UBE4B: variants seen among roughly 807,000 people sequenced by gnomAD.
UBE4B encodes ubiquitin conjugation factor E4 B.
Under a neutral mutation model 148.1 loss-of-function variants are expected in UBE4B, and 27 were observed. That is an observed-to-expected ratio of 0.18 (90% CI 0.13 to 0.25). UBE4B has a LOEUF of 0.25. UBE4B is among the 10% of genes least tolerant of loss of function. The pLI is 1.00. For missense variants in UBE4B, 1,170 were observed against 1,662.4 expected (o/e 0.70, Z 5.15); for synonymous variants, 596 against 619.3 (o/e 0.96, Z 0.56).
At chr1:10,092,222 CTT>C (rs138009294) in intron 2 of UBE4B, among the ~76,000 whole-genome samples, 28,918 of 151,736 alleles carry the variant, frequency 0.19, 3,737 homozygotes, top group African/African-American at 0.36. Flanking sequence ...AGACCCATCT[CTT>C]TTGTTTTGTT....
At chr1:10,090,401 G>A (rs1017799079) in intron 2 of UBE4B, among the ~76,000 whole-genome samples, 4 of 151,698 alleles carry the variant, frequency 2.6e-5, no homozygotes, top group East Asian at 3.9e-4. Context: ...AATTATAGGC[G>A]TGAGCCACCA....
intron 1 of UBE4B, among the ~76,000 whole-genome samples, chr1:10,061,483 C>CT (rs1644285414): frequency 6.6e-6 from 1 of 152,182 alleles, no homozygotes; most frequent in South Asian, 2.1e-4. Context: ...TCTGGAACTC[C>CT]TGGCCTCAGG....
In UBE4B at chr1:10,105,644, C is replaced by T. The variant is rs771871986; in HGVS notation, c.709C>T (p.Arg237Trp). The change falls in exon 6 of 28, where the codon CGG becomes TGG. Residue 237 changes from arginine to tryptophan, a missense_variant. Coordinates refer to ENST00000343090, the MANE Select transcript of UBE4B (RefSeq NM_001105562.3). ...ATSQPIAAAARSPDRNLLLNT... is the reference protein window; with the variant it reads ...ATSQPIAAAAWSPDRNLLLNT... ...ATCACAGCCAATTGCTGCAGCAGCA[C>T]GGTCACCAGACAGAAATCTCTTGCT... 19 of 1,614,082 alleles carry T rather than the reference C, an allele frequency of 1.2e-5. No individual in the cohort carries two copies. The Admixed American group carries it at 1.8e-4, about 16-fold the overall frequency.
chr1:10,060,076 C>G (rs1570800236), intron 1 of UBE4B, among the ~76,000 whole-genome samples: 4 of 151,588 alleles, frequency 2.6e-5, no homozygotes. Flanking sequence ...TCGTCAGGTC[C>G]CTGTGTGTGT....
intron 1 of UBE4B, among the ~76,000 whole-genome samples, chr1:10,042,113 T>G (rs1485529709): frequency 1.3e-5 from 2 of 152,318 alleles, no homozygotes; most frequent in African/African-American, 2.4e-5. Flanking sequence ...CAGTGGACTT[T>G]CATTCCCGTT....
chr1:10,144,863 C>A, intron 17 of UBE4B, 77 bp from the exon 18 acceptor site: 1 of 988,828 alleles, frequency 1.0e-6, no homozygotes. Flanking sequence ...GTGTGAGAGT[C>A]AGTGAAATGA....
At chr1:10,160,771 T>C (rs1040246900) in intron 22 of UBE4B, among the ~76,000 whole-genome samples, 1 of 151,934 alleles carries the variant, frequency 6.6e-6, no homozygotes, top group Non-Finnish European at 1.5e-5. Flanking sequence ...ACATAACAAG[T>C]CCCTGTCTCT....
At chr1:10,089,518 G>A (rs1402376083) in intron 2 of UBE4B, among the ~76,000 whole-genome samples, 5 of 142,942 alleles carry the variant, frequency 3.5e-5, no homozygotes, top group African/African-American at 1.1e-4. Flanking sequence ...AAAAAAAAAA[G>A]TTTTCAGGGG....
At chr1:10,084,710 T>C (rs1264433222) in intron 2 of UBE4B, among the ~76,000 whole-genome samples, 1 of 151,778 alleles carries the variant, frequency 6.6e-6, no homozygotes, top group East Asian at 1.9e-4. Context: ...TTTTCTTTTT[T>C]TTTTTGAGAT....
intron 12 of UBE4B, 82 bp downstream of exon 12, chr1:10,129,530 G>C: frequency 1.4e-6 from 2 of 1,403,474 alleles, no homozygotes. Context: ...AGATGGCCTG[G>C]AAAATGTCTC....
chr1:10,132,091 C>T (rs1220083956), intron 14 of UBE4B, among the ~76,000 whole-genome samples: 1 of 152,170 alleles, frequency 6.6e-6, no homozygotes, highest in Non-Finnish European at 1.5e-5. Flanking sequence ...GATTGCACCA[C>T]TGCACTCCAG....
intron 1 of UBE4B, among the ~76,000 whole-genome samples, 195 bp from the exon 2 acceptor site, chr1:10,071,833 A>C (rs1467602275): frequency 6.6e-6 from 1 of 152,146 alleles, no homozygotes; most frequent in East Asian, 1.9e-4. Context: ...ACCTGGCCAA[A>C]ATACAGTTGT....
chr1:10,040,573 C>A (rs1643718173), intron 1 of UBE4B, among the ~76,000 whole-genome samples: 1 of 151,230 alleles, frequency 6.6e-6, no homozygotes, highest in African/African-American at 2.4e-5. Flanking sequence ...ATGTAGACCC[C>A]CACTCTGGCC....
chr1:10,178,515 A>G (rs1571045627), intron 25 of UBE4B, 129 bp from the exon 26 acceptor site: 1 of 802,792 alleles, frequency 1.2e-6, no homozygotes, highest in South Asian at 2.1e-5. Flanking sequence ...ATATAAGTGT[A>G]TATATAATTT....
intron 1 of UBE4B, among the ~76,000 whole-genome samples, chr1:10,045,379 T>C (rs1221113632): frequency 6.6e-6 from 1 of 152,134 alleles, no homozygotes; most frequent in African/African-American, 2.4e-5. Flanking sequence ...CAACCTTAGG[T>C]CAGAGACACT....
Position 10,161,018 on chromosome 1 carries a change from G to A in UBE4B, c.3054-124G>A. On this transcript the variant is annotated intron_variant, in intron 22 of 27. Coordinates refer to ENST00000343090, the MANE Select transcript of UBE4B (RefSeq NM_001105562.3). This position sits in a 1 kb window ranked among gnomAD's most constrained non-coding sequence, Gnocchi z 4.1. ...ATTCCATAGTGCCTGACTTGTGCCA[G>A]GGTAGCCAGGCTTTTAGGGTGAGAT... 9.6e-7 allele frequency: 1 copy of A among 1,041,188 alleles called. No individual in the cohort carries two copies. The highest frequency in any genetic ancestry group is 1.5e-5 in the South Asian group (1 of 65,136). The allele number at this position is 1,041,188 out of a possible 1,614,324, so 64.5% of individuals were successfully genotyped here. A position where few individuals can be genotyped will look rare whatever the true frequency, so the allele number is the denominator to read the frequency against.
chr1:10,156,984 A>G (rs1310499995), intron 21 of UBE4B, among the ~76,000 whole-genome samples: 2 of 152,052 alleles, frequency 1.3e-5, no homozygotes, highest in Non-Finnish European at 2.9e-5. Context: ...CCTAGGCAAC[A>G]TAGTGAGACC....
intron 2 of UBE4B, among the ~76,000 whole-genome samples, chr1:10,091,990 CCT>C (rs1644856265): frequency 6.6e-6 from 1 of 151,968 alleles, no homozygotes; most frequent in African/African-American, 2.4e-5. Context: ...CTCAAGTGAT[CCT>C]CTCTCCTTGA....
intron 8 of UBE4B, among the ~76,000 whole-genome samples, chr1:10,118,534 C>T (rs1167026152): frequency 6.7e-6 from 1 of 149,998 alleles, no homozygotes; most frequent in African/African-American, 2.5e-5. Flanking sequence ...GACGGAGTTT[C>T]ACTCTTGTTG....
Sources: gnomAD v4.1 joint callset for allele counts (sites outside exome capture counted in the v4.1 genomes callset) on GRCh38, gnomAD v4.1.1 for gene constraint, Gnocchi (gnomAD v3.1) non-coding constraint, MANE v1.5 for transcripts, NCBI Gene and HGNC (gene_info 2026-07-23, HGNC 2026-07-21) for gene names.